SLC37A1: variants seen among roughly 807,000 people sequenced by gnomAD.
SLC37A1 encodes the protein glucose-6-phosphate exchanger SLC37A1.
Under a neutral mutation model 75.3 loss-of-function variants are expected in SLC37A1, and 49 were observed. The observed-to-expected ratio is 0.65, with a 90% CI of 0.52 to 0.83. SLC37A1 has a LOEUF of 0.83. SLC37A1 is among the 40% of genes least tolerant of loss of function. SLC37A1 has a pLI of 0.00. For missense variants in SLC37A1, 566 were observed against 695.0 expected (o/e 0.81, Z 2.09); for synonymous variants, 268 against 292.1 (o/e 0.92, Z 0.84).
chr21:42,529,330 G>C (rs142618075), intron 3 of SLC37A1, among the ~76,000 whole-genome samples: 335 of 152,266 alleles, frequency 2.2e-3, no homozygotes, highest in African/African-American at 7.5e-3. Context: ...AGCACTTTGG[G>C]AGGCCGAGGC....
At chr21:42,512,253 C>T (rs2054443222), upstream of SLC37A1, among the ~76,000 whole-genome samples, 1 of 151,038 alleles carries the variant, frequency 6.6e-6, no homozygotes, top group South Asian at 2.1e-4. Context: ...AAGAAGCTGT[C>T]TCCATATGAG....
chr21:42,508,118 C>G (rs142262275), intron 2 of SLC37A1, among the ~76,000 whole-genome samples: 10 of 144,844 alleles, frequency 6.9e-5, no homozygotes, highest in Admixed American at 5.8e-4. Flanking sequence ...CTGAAGAGTA[C>G]GCTCTTTTTT....
intron 1 of SLC37A1, among the ~76,000 whole-genome samples, chr21:42,517,038 G>A (rs1172036821): frequency 1.3e-5 from 2 of 152,224 alleles, no homozygotes; most frequent in Non-Finnish European, 2.9e-5. Context: ...CACGTGGTCT[G>A]TGCTAGGTTC....
chr21:42,535,571 C>T, intron 5 of SLC37A1, 21 bp downstream of exon 5: 1 of 1,606,008 alleles, frequency 6.2e-7, no homozygotes, highest in Non-Finnish European at 8.5e-7. Context: ...TTCAGTTTTC[C>T]AGACCCTTCC....
At position 42,519,986 on chromosome 21, in the gene SLC37A1, A is replaced by G. The variant is rs547713154; in HGVS notation, c.56+1476A>G. ...TGTTTGTGTGTGTGTGTGTGTGTGC[A>G]TGTGTGTAGATGTATGTTTGTACAC... On this transcript the variant is annotated intron_variant, in intron 2 of 19. Transcript: ENST00000352133. Among the ~76,000 whole-genome samples the G allele has an allele frequency of 2.2e-4, 31 of 141,948 alleles. No homozygotes were observed. The East Asian group carries it at 5.3e-3, about 24-fold the overall frequency. The allele number at this position is 141,948 out of a possible 152,430, so 93.1% of individuals were successfully genotyped here.
chr21:42,531,610 G>T (rs150790592), intron 3 of SLC37A1, among the ~76,000 whole-genome samples: 1 of 152,290 alleles, frequency 6.6e-6, no homozygotes, highest in Non-Finnish European at 1.5e-5. Flanking sequence ...AAGTATTTCC[G>T]CAGGGATGGT....
intron 3 of SLC37A1, among the ~76,000 whole-genome samples, chr21:42,529,638 C>T (rs930768758): frequency 4.6e-5 from 7 of 152,106 alleles, no homozygotes; most frequent in Admixed American, 1.3e-4. Flanking sequence ...TTATGTTTAT[C>T]GTAGGAGTGA....
intron 3 of SLC37A1, among the ~76,000 whole-genome samples, chr21:42,530,659 C>CCT (rs1034445660): frequency 7.0e-6 from 1 of 143,160 alleles, no homozygotes; most frequent in East Asian, 2.0e-4. Flanking sequence ...CACACACCCC[C>CCT]TCTGTGTTGG....
intron 2 of SLC37A1, chr21:42,508,639 A>G (rs1291343023): frequency 1.3e-5 from 2 of 152,244 alleles, no homozygotes; most frequent in Admixed American, 1.3e-4. Flanking sequence ...AGTGGAGCTC[A>G]GCTACAGAGG....
At chr21:42,509,380 GT>G (rs1270558059), upstream of SLC37A1, 4 of 152,198 alleles carry the variant, frequency 2.6e-5, no homozygotes, top group Non-Finnish European at 4.4e-5. This position sits in a 1 kb window ranked among gnomAD's most constrained non-coding sequence, Gnocchi z 4.2. Context: ...GCCGCTGCCC[GT>G]TCTTCACGAT....
At chr21:42,569,261 C>T (rs2056060395) in intron 17 of SLC37A1, among the ~76,000 whole-genome samples, 1 of 152,308 alleles carries the variant, frequency 6.6e-6, no homozygotes, top group Middle Eastern at 3.4e-3. Flanking sequence ...CCCACTGGCT[C>T]GTGCAGGGAG....
intron 15 of SLC37A1, 87 bp downstream of exon 15, chr21:42,565,962 C>A: frequency 7.3e-7 from 1 of 1,374,942 alleles, no homozygotes; most frequent in Non-Finnish European, 1.0e-6. Flanking sequence ...AATCAACAGG[C>A]GCATTGAGCT....
chr21:42,572,481 C>G (rs890278762), intron 17 of SLC37A1, among the ~76,000 whole-genome samples: 3 of 151,956 alleles, frequency 2.0e-5, no homozygotes, highest in Non-Finnish European at 4.4e-5. Context: ...CCCTTCCTGC[C>G]TGTCTCCCTG....
At chr21:42,539,084 G>A (rs554578945) in intron 5 of SLC37A1, among the ~76,000 whole-genome samples, 21 of 152,318 alleles carry the variant, frequency 1.4e-4, no homozygotes, top group Middle Eastern at 3.4e-3. Context: ...TCGTGGGGCC[G>A]AATGACTTGC....
chr21:42,503,276 G>T (rs938500180), intron 2 of SLC37A1, among the ~76,000 whole-genome samples: 2 of 140,592 alleles, frequency 1.4e-5, no homozygotes, highest in Non-Finnish European at 3.0e-5. Flanking sequence ...TTGAGACAAG[G>T]TCTGGCTCTG....
intron 2 of SLC37A1, among the ~76,000 whole-genome samples, chr21:42,505,449 T>C (rs966031608): frequency 2.6e-5 from 4 of 152,128 alleles, no homozygotes; most frequent in Non-Finnish European, 5.9e-5. Context: ...CACAACCCCA[T>C]AGGCAGGCTT....
upstream of SLC37A1, among the ~76,000 whole-genome samples, chr21:42,512,085 A>C (rs932367758): frequency 9.9e-5 from 15 of 152,156 alleles, 4 homozygotes; most frequent in East Asian, 1.9e-4. Flanking sequence ...CCAAAAAAAA[A>C]AAAATAATGT....
In SLC37A1 at chr21:42,506,079, C is replaced by T. The variant is rs78042138; in HGVS notation, c.-179+3662C>T. On this transcript the variant is annotated intron_variant, in intron 2 of 20. Transcript: ENST00000398341. ...AAGAGGATTCCCTTGTATACTTGCACGGTGAACATGAGTACTGGCATCGCA... is the reference window on the plus strand; with the variant it reads ...AAGAGGATTCCCTTGTATACTTGCATGGTGAACATGAGTACTGGCATCGCA... 6.5e-3 allele frequency among the ~76,000 whole-genome samples: 987 copies of T among 152,298 alleles called. 6 individuals carry two copies. Among genetic ancestry groups the T allele is most frequent in the African/African-American group, 0.023 (940 of 41,550 alleles).
intron 10 of SLC37A1, among the ~76,000 whole-genome samples, 186 bp from the exon 11 acceptor site, chr21:42,558,772 T>A (rs2055752363): frequency 6.6e-6 from 1 of 152,252 alleles, no homozygotes; most frequent in South Asian, 2.1e-4. Flanking sequence ...TAGCCGTTCA[T>A]GAAAATGCAT....
Sources: gnomAD v4.1 joint callset for allele counts (sites outside exome capture counted in the v4.1 genomes callset) on GRCh38, gnomAD v4.1.1 for gene constraint, Gnocchi (gnomAD v3.1) non-coding constraint, MANE v1.5 for transcripts, NCBI Gene and HGNC (gene_info 2026-07-23, HGNC 2026-07-21) for gene names.